The following CERT1 variants were observed in gnomAD, a reference collection of about 807,000 sequenced individuals.
CERT1 encodes ceramide transfer protein.
CERT1 carries 31 observed loss-of-function variants against 87.9 expected under a neutral mutation model. The observed-to-expected ratio is 0.35, with a 90% CI of 0.27 to 0.48. The LOEUF (loss-of-function observed/expected upper bound fraction) is 0.48, where lower values mean the gene tolerates loss of function less well. CERT1 is among the 20% of genes least tolerant of loss of function. The pLI, the probability that CERT1 is intolerant of heterozygous loss-of-function variation, is 0.99. For missense variants in CERT1, 487 were observed against 758.0 expected, an observed-to-expected ratio of 0.64 and a Z score of 4.20; for synonymous variants, 289 against 250.9, an observed-to-expected ratio of 1.15 and a Z score of -1.44.
At chr5:75,415,724 A>C (rs1447291547) in intron 7 of CERT1, among the ~76,000 whole-genome samples, 2 of 152,134 alleles carry the variant, frequency 1.3e-5, no homozygotes, top group Non-Finnish European at 2.9e-5. Context: ...TTGAACCATT[A>C]GTCTAATGTA....
chr5:75,402,896 A>G lies in CERT1; in HGVS notation c.1017+76T>C, dbSNP rs1762555267. ...TTCACAATGTTCAAATTCTATTTAC[A>G]TGAAATAATATACACCAAGGAATGC... On this transcript the variant is annotated intron_variant, in intron 9 of 16. Transcript: ENST00000643780. 5 of 840,034 alleles carry G rather than the reference A, an allele frequency of 6.0e-6. No individual in the cohort carries two copies. In the Admixed American group the frequency reaches 6.3e-5, roughly 11 times the overall value. The allele number at this position is 840,034 out of a possible 1,614,324, so 52.0% of individuals were successfully genotyped here.
intron 8 of CERT1, among the ~76,000 whole-genome samples, chr5:75,407,803 T>C (rs1035237581): frequency 6.6e-6 from 1 of 151,490 alleles, no homozygotes; most frequent in Admixed American, 6.6e-5. Context: ...CCATCAAGAG[T>C]TTTGCCTAGG....
At chr5:75,437,036 T>A (rs1336710746) in intron 3 of CERT1, among the ~76,000 whole-genome samples, 1 of 152,202 alleles carries the variant, frequency 6.6e-6, no homozygotes, top group Non-Finnish European at 1.5e-5. Context: ...TTCTCCTACC[T>A]TGGCCTCTCA....
intron 3 of CERT1, among the ~76,000 whole-genome samples, chr5:75,438,580 G>C (rs1764188632): frequency 6.6e-6 from 1 of 152,054 alleles, no homozygotes; most frequent in Non-Finnish European, 1.5e-5. Context: ...CAAGAAAAAA[G>C]AAGGTGAACT....
At chr5:75,382,608 G>T (rs975428532) in intron 14 of CERT1, among the ~76,000 whole-genome samples, 6 of 151,774 alleles carry the variant, frequency 4.0e-5, no homozygotes, top group African/African-American at 1.5e-4. Flanking sequence ...TATACTATGG[G>T]AATGACATGG....
At chr5:75,404,291 TAAAAAAA>T (rs11349407) in intron 8 of CERT1, among the ~76,000 whole-genome samples, 3 of 84,044 alleles carry the variant, frequency 3.6e-5, no homozygotes, top group Non-Finnish European at 7.5e-5. Flanking sequence ...ACCTACTTCA[TAAAAAAA>T]AAAAAAAAAA....
chr5:75,479,964 A>G (rs1286768040), intron 2 of CERT1, among the ~76,000 whole-genome samples: 1 of 152,014 alleles, frequency 6.6e-6, no homozygotes, highest in East Asian at 1.9e-4. Context: ...TTGTTTTTTG[A>G]CTTTTTAATA....
rs1218667838 is a variant in CERT1 at position 75,425,588 on chromosome 5, C to G, written c.457-89G>C. Reference sequence around the variant, plus strand: ...ATGGTATTTCATCAACTTTTAAGGTCTGCACCTTATAACTGAGGGCATGGG... The same window carrying G: ...ATGGTATTTCATCAACTTTTAAGGTGTGCACCTTATAACTGAGGGCATGGG... On this transcript the variant is annotated intron_variant, in intron 4 of 16. Transcript: ENST00000643780. The G allele has an allele frequency of 9.3e-6, 12 of 1,290,610 alleles. No individual in the cohort carries two copies. In the East Asian group the frequency reaches 2.8e-4, roughly 30 times the overall value. The allele number at this position is 1,290,610 out of a possible 1,614,324, so 79.9% of individuals were successfully genotyped here.
intron 3 of CERT1, among the ~76,000 whole-genome samples, chr5:75,428,634 C>T (rs570341046): frequency 6.0e-5 from 9 of 150,430 alleles, no homozygotes; most frequent in African/African-American, 1.7e-4. Flanking sequence ...GCTGAGATTG[C>T]GCCACTGCAG....
At chr5:75,500,806 TTGA>T (rs1439175173) in intron 2 of CERT1, among the ~76,000 whole-genome samples, 2 of 152,228 alleles carry the variant, frequency 1.3e-5, no homozygotes, top group Admixed American at 1.3e-4. Context: ...CTAATCATCT[TTGA>T]TGATACCCAA....
chr5:75,400,178 T>G (rs768684511), intron 10 of CERT1, 27 bp downstream of exon 10: 7 of 1,447,988 alleles, frequency 4.8e-6, no homozygotes, highest in Non-Finnish European at 6.8e-6. Flanking sequence ...CAAGGTGTAC[T>G]TTTAGTAAAC....
chr5:75,439,527 C>T (rs1449141615), intron 3 of CERT1, among the ~76,000 whole-genome samples: 1 of 152,026 alleles, frequency 6.6e-6, no homozygotes. Flanking sequence ...GTTCCTCACT[C>T]CCACTCCCTC....
chr5:75,511,749 C>A, upstream of CERT1: 1 of 1,551,012 alleles, frequency 6.4e-7, no homozygotes, highest in South Asian at 1.2e-5. Context: ...ATCCTCCTCC[C>A]GAACCCTACC....
chr5:75,441,242 T>C (rs1002004679), intron 3 of CERT1, among the ~76,000 whole-genome samples: 6 of 152,162 alleles, frequency 3.9e-5, no homozygotes, highest in African/African-American at 1.4e-4. Flanking sequence ...TTCAGTACAA[T>C]AGCATGTTAT....
intron 8 of CERT1, 61 bp downstream of exon 8, chr5:75,410,950 A>T (rs1762911981): frequency 1.1e-6 from 1 of 886,774 alleles, no homozygotes; most frequent in South Asian, 1.7e-5. Context: ...ATTATTAAAA[A>T]ATCACTTTTG....
chr5:75,504,638 CT>C (rs1176774279), intron 2 of CERT1, among the ~76,000 whole-genome samples: 1 of 151,990 alleles, frequency 6.6e-6, no homozygotes, highest in Non-Finnish European at 1.5e-5. Flanking sequence ...TGTGACTTCT[CT>C]TTGAGTGAGT....
Position 75,410,900 on chromosome 5 carries a change from A to T in CERT1, c.930+111T>A. The T allele has an allele frequency of 5.7e-6, 3 of 522,536 alleles. No homozygotes were observed. The South Asian group carries it at 1.0e-4, about 18-fold the overall frequency. The allele number at this position is 522,536 out of a possible 1,614,324, so 32.4% of individuals were successfully genotyped here. ...CACTGAATTAACATAAACACTGAGG[A>T]AAAAATTATATATTTAGAATATTTA... On this transcript the variant is annotated intron_variant, in intron 8 of 16. Coordinates refer to ENST00000643780, the MANE Select transcript of CERT1 (RefSeq NM_001379029.1).
intron 11 of CERT1, among the ~76,000 whole-genome samples, chr5:75,398,143 A>G (rs1426535575): frequency 1.3e-5 from 2 of 152,234 alleles, no homozygotes; most frequent in East Asian, 3.8e-4. Flanking sequence ...TCTTAAGAGT[A>G]TTCAAGGAGA....
intron 2 of CERT1, among the ~76,000 whole-genome samples, chr5:75,497,842 C>A (rs1036728736): frequency 1.3e-5 from 2 of 151,982 alleles, no homozygotes; most frequent in Non-Finnish European, 1.5e-5. Context: ...TAAGGATACC[C>A]GAAAATGTGG....
Sources: allele counts gnomAD v4.1 joint callset (sites outside exome capture counted in the v4.1 genomes callset), GRCh38; gene constraint gnomAD v4.1.1; transcripts MANE v1.5; gene names NCBI Gene and HGNC (gene_info 2026-07-23, HGNC 2026-07-21).